Variants in RASSF8 observed in about 807,000 individuals in gnomAD.
RASSF8 encodes ras association domain-containing protein 8.
Under a neutral mutation model 48.5 loss-of-function variants are expected in RASSF8, and 22 were observed. The observed-to-expected ratio is 0.45, with a 90% CI of 0.32 to 0.65. RASSF8 has a LOEUF of 0.65. Among genes scored for constraint, RASSF8 ranks in the 30% least tolerant of loss-of-function variants. RASSF8 has a pLI of 0.03. For missense variants in RASSF8, 418 were observed against 489.2 expected, an observed-to-expected ratio of 0.85 and a Z score of 1.37; for synonymous variants, 127 against 171.5, an observed-to-expected ratio of 0.74 and a Z score of 2.03.
rs1943942981 is a variant in RASSF8, at chr12:26,068,949, A to C, written c.*131A>C. 5 of 1,438,412 alleles carry C rather than the reference A, an allele frequency of 3.5e-6. No homozygotes were observed. Among genetic ancestry groups the C allele is most frequent in the Admixed American group, 2.5e-5 (1 of 40,508 alleles). The allele number at this position is 1,438,412 out of a possible 1,614,324, so 89.1% of individuals were successfully genotyped here. On this transcript the variant is annotated 3_prime_UTR_variant, in exon 6 of 6. Transcript: ENST00000689635. ...GTATGTTTTTTCTCTCCTAAATTGC[A>C]TACCACTTGGAGCCATACCCTGTGC...
At chr12:26,061,352 A>C (rs1362748713) in intron 3 of RASSF8, among the ~76,000 whole-genome samples, 2 of 152,172 alleles carry the variant, frequency 1.3e-5, no homozygotes, top group African/African-American at 2.4e-5. Context: ...TCAATCAGTC[A>C]TTCAATAAGA....
intron 2 of RASSF8, among the ~76,000 whole-genome samples, chr12:26,019,346 A>T (rs1346635793): frequency 1.3e-5 from 2 of 152,314 alleles, no homozygotes; most frequent in East Asian, 3.9e-4. Context: ...AGCAAAAAAT[A>T]AATAAGTATA....
rs558854580 is a variant in RASSF8 at position 26,029,738 on chromosome 12, CATT to C, written c.-108-25489_-108-25487del. 2.2e-3 allele frequency among the ~76,000 whole-genome samples: 341 copies of C among 151,918 alleles called. 3 individuals are homozygous for C. The highest frequency in any genetic ancestry group is 8.0e-3 in the African/African-American group (330 of 41,430). On this transcript the variant is annotated intron_variant, in intron 2 of 5. Transcript: ENST00000689635. The stretch of plus-strand genomic sequence containing the variant: ...CTTCTCTGTTGGTTTAAATGTTGAC[CATT>C]ATTATTATAACAGAAAAACAGTTTT...
At chr12:25,965,345 C>T (rs1022217154) in intron 1 of RASSF8, among the ~76,000 whole-genome samples, 19 of 149,718 alleles carry the variant, frequency 1.3e-4, no homozygotes, top group African/African-American at 4.7e-4. Context: ...ATCATTCCCA[C>T]ATCACTTTCC....
At chr12:25,962,787 C>T (rs1221584960) in intron 1 of RASSF8, among the ~76,000 whole-genome samples, 1 of 152,032 alleles carries the variant, frequency 6.6e-6, no homozygotes, top group Non-Finnish European at 1.5e-5. Context: ...GATAGAAAAG[C>T]CAGACCCACA....
intron 2 of RASSF8, among the ~76,000 whole-genome samples, chr12:25,996,737 A>T (rs1359143476): frequency 6.6e-6 from 1 of 152,178 alleles, no homozygotes; most frequent in Non-Finnish European, 1.5e-5. Context: ...TGTTATTTAA[A>T]AAGGTTTTAA....
At chr12:25,992,045 CTG>C (rs1205492957) in intron 1 of RASSF8, among the ~76,000 whole-genome samples, 2 of 152,122 alleles carry the variant, frequency 1.3e-5, no homozygotes, top group South Asian at 2.1e-4. Context: ...TAATAGATAA[CTG>C]TTTTTCAGAC....
At chr12:25,997,465 A>G (rs1383975767) in intron 2 of RASSF8, among the ~76,000 whole-genome samples, 2 of 151,774 alleles carry the variant, frequency 1.3e-5, no homozygotes, top group Non-Finnish European at 2.9e-5. Flanking sequence ...GGGTGTGTGT[A>G]TGTGTGTGTG....
chr12:25,963,456 C>T (rs1941285620), intron 1 of RASSF8, among the ~76,000 whole-genome samples: 1 of 151,852 alleles, frequency 6.6e-6, no homozygotes, highest in East Asian at 1.9e-4. Context: ...GTACTTATGT[C>T]TGTTATTGAT....
At chr12:26,031,712 G>T (rs2137111511) in intron 2 of RASSF8, among the ~76,000 whole-genome samples, 1 of 152,300 alleles carries the variant, frequency 6.6e-6, no homozygotes, top group African/African-American at 2.4e-5. Flanking sequence ...CACTTGTTAG[G>T]TAGGGTCTGC....
intron 2 of RASSF8, among the ~76,000 whole-genome samples, chr12:26,004,231 A>G (rs1942330865): frequency 6.6e-6 from 1 of 152,220 alleles, no homozygotes; most frequent in African/African-American, 2.4e-5. Context: ...TTGAATAACA[A>G]GGGGCATATC....
chr12:26,078,307 C>A (rs543449964), intron 5 of RASSF8, among the ~76,000 whole-genome samples: 1 of 152,292 alleles, frequency 6.6e-6, no homozygotes, highest in African/African-American at 2.4e-5. Context: ...TGATTTTATA[C>A]AGTGGCTTGA....
chr12:26,027,988 A>T (rs1348895401), intron 2 of RASSF8, among the ~76,000 whole-genome samples: 2 of 152,198 alleles, frequency 1.3e-5, no homozygotes, highest in Non-Finnish European at 2.9e-5. Context: ...TGGGGACATC[A>T]AAGATGGTGC....
chr12:26,057,303 G>A (rs1156967471), intron 3 of RASSF8, among the ~76,000 whole-genome samples: 1 of 152,112 alleles, frequency 6.6e-6, no homozygotes, highest in Non-Finnish European at 1.5e-5. Flanking sequence ...AACAGGCCCG[G>A]TGTGTGGTGT....
At chr12:25,989,759 A>G (rs2136940810) in intron 1 of RASSF8, among the ~76,000 whole-genome samples, 1 of 152,272 alleles carries the variant, frequency 6.6e-6, no homozygotes, top group African/African-American at 2.4e-5. Context: ...TGGTTTATGG[A>G]TCAGTTTATT....
At chr12:25,968,822 C>A (rs1449081354) in intron 1 of RASSF8, among the ~76,000 whole-genome samples, 1 of 151,964 alleles carries the variant, frequency 6.6e-6, no homozygotes, top group African/African-American at 2.4e-5. Flanking sequence ...GTGATAAATG[C>A]TTTAGAGAAA....
chr12:26,055,879 T>G (rs116680320), intron 3 of RASSF8, among the ~76,000 whole-genome samples: 272 of 152,256 alleles, frequency 1.8e-3, no homozygotes, highest in African/African-American at 6.3e-3. Context: ...GGAAAGATAA[T>G]GTATACTTTT....
chr12:26,039,934 A>G (rs924991804), intron 2 of RASSF8, among the ~76,000 whole-genome samples: 2 of 152,224 alleles, frequency 1.3e-5, no homozygotes, highest in Non-Finnish European at 2.9e-5. Flanking sequence ...TGTCTTTTCT[A>G]CATAATCATG....
intron 3 of RASSF8, among the ~76,000 whole-genome samples, chr12:26,063,015 G>A (rs1419965343): frequency 2.0e-5 from 3 of 152,084 alleles, no homozygotes; most frequent in African/African-American, 4.8e-5. Context: ...TTTTTAATGT[G>A]CTCCTCATGA....
Sources: allele counts gnomAD v4.1 joint callset (sites outside exome capture counted in the v4.1 genomes callset), GRCh38; gene constraint gnomAD v4.1.1; transcripts MANE v1.5; gene names NCBI Gene and HGNC (gene_info 2026-07-23, HGNC 2026-07-21).